LRRK1: variants seen among roughly 807,000 people sequenced by gnomAD.
LRRK1 encodes leucine-rich repeat serine/threonine-protein kinase 1.
Under a neutral mutation model 209.1 loss-of-function variants are expected in LRRK1, and 113 were observed. The ratio of observed to expected loss-of-function variants is 0.54; its 90% confidence interval spans 0.46 to 0.63. The LOEUF is 0.63. LRRK1 is among the 30% of genes least tolerant of loss of function. The probability of loss-of-function intolerance (pLI) is 0.00; values close to 1 mark genes in which losing one functional copy is unlikely to be tolerated. For synonymous variants in LRRK1, 1,144 were observed against 1,099.7 expected (o/e 1.04, Z -0.80); for missense variants, 2,284 against 2,632.2 (o/e 0.87, Z 2.89).
intron 3 of LRRK1, among the ~76,000 whole-genome samples, chr15:100,977,187 G>A (rs116115974): frequency 3.4e-4 from 49 of 142,696 alleles, no homozygotes; most frequent in Non-Finnish European, 3.6e-4. Context: ...CTGGCACAGA[G>A]AAAAAAAAAA....
chr15:101,035,850 G>A (rs944195294), intron 20 of LRRK1, among the ~76,000 whole-genome samples: 1 of 152,056 alleles, frequency 6.6e-6, no homozygotes, highest in Admixed American at 6.6e-5. Context: ...ACTTTTGTGT[G>A]TTTTCATGAT....
chr15:101,040,043 T>A (rs1322258764), intron 20 of LRRK1, among the ~76,000 whole-genome samples: 1 of 152,178 alleles, frequency 6.6e-6, no homozygotes, highest in African/African-American at 2.4e-5. Flanking sequence ...TGATGAAAAG[T>A]CTTTATGGGT....
Position 101,072,309 on chromosome 15 carries a change from G to C in LRRK1, c.*3461G>C, listed in dbSNP as rs1467007673. The C allele has an allele frequency of 6.6e-6, 1 of 152,136 alleles. No homozygotes were observed. The highest frequency in any genetic ancestry group is 2.4e-5 in the African/African-American group (1 of 41,390). 9.4% of individuals were successfully genotyped at this position (152,136 alleles called of 1,614,324 possible). ...TCACTATAGCATCTCTTAGAATATG[G>C]CCCCAAACAGGAAGCAACCCCAACC... is the stretch of plus-strand genomic sequence containing the variant. On this transcript the variant is annotated 3_prime_UTR_variant, in exon 34 of 34. Coordinates refer to ENST00000388948, the MANE Select transcript of LRRK1 (RefSeq NM_024652.6).
intron 12 of LRRK1, 45 bp from the exon 13 acceptor site, chr15:101,021,008 C>G (rs553863983): frequency 1.2e-6 from 2 of 1,611,226 alleles, no homozygotes; most frequent in East Asian, 2.2e-5. Flanking sequence ...CTGTGACGGT[C>G]CAGAATTATT....
chr15:100,962,181 G>A (rs192334759), intron 2 of LRRK1, among the ~76,000 whole-genome samples: 2 of 152,186 alleles, frequency 1.3e-5, no homozygotes, highest in East Asian at 3.9e-4. Flanking sequence ...AATTTCAGCA[G>A]CAATACAAGT....
chr15:101,010,396 T>C, intron 7 of LRRK1, 54 bp from the exon 8 acceptor site: 5 of 1,561,896 alleles, frequency 3.2e-6, no homozygotes, highest in Non-Finnish European at 4.3e-6. Flanking sequence ...AATATGTAAA[T>C]TTGGTGTTTT....
chr15:100,982,390 G>A (rs1355556801), intron 3 of LRRK1, among the ~76,000 whole-genome samples: 6 of 152,356 alleles, frequency 3.9e-5, no homozygotes, highest in African/African-American at 1.4e-4. Flanking sequence ...CAGAGAGCTC[G>A]TGATAAGTCA....
In LRRK1 at chr15:101,025,033, C is replaced by T. The variant is rs938587494; in HGVS notation, c.2232+66C>T. 6 of 1,507,084 alleles carry T rather than the reference C, an allele frequency of 4.0e-6. No individual in the cohort carries two copies. In the Middle Eastern group the frequency reaches 1.0e-3, roughly 251 times the overall value. 93.4% of individuals were successfully genotyped at this position (1,507,084 alleles called of 1,614,324 possible). ...GAGCTTTGCAGGTCCCACCGCTTCC[C>T]TCAAGCATCCCCTGTACTGAGAAAA... On this transcript the variant is annotated intron_variant, in intron 16 of 33. Transcript: ENST00000388948.
rs537293545 is a variant in LRRK1, at chr15:100,988,069, A to G, written c.434-565A>G. On this transcript the variant is annotated intron_variant, in intron 4 of 33. Coordinates refer to ENST00000388948, the MANE Select transcript of LRRK1 (RefSeq NM_024652.6). ...GAAATGTCATATGCAATTCAGAGAG[A>G]CTATTCCAGAAAACACTATCAACTC... is the stretch of plus-strand genomic sequence containing the variant. 3.9e-5 allele frequency among the ~76,000 whole-genome samples: 6 copies of G among 152,310 alleles called. No homozygotes were observed. The South Asian group carries it at 1.2e-3, about 32-fold the overall frequency.
chr15:101,051,326 G>GT (rs149690227), intron 23 of LRRK1, among the ~76,000 whole-genome samples: 111 of 152,320 alleles, frequency 7.3e-4, no homozygotes, highest in African/African-American at 2.6e-3. Context: ...GTTTCTAATT[G>GT]TAAGAAGGGT....
At chr15:101,057,662 C>T (rs1382756499) in intron 28 of LRRK1, among the ~76,000 whole-genome samples, 1 of 151,872 alleles carries the variant, frequency 6.6e-6, no homozygotes, top group African/African-American at 2.4e-5. Context: ...TATGGTGCGC[C>T]CTGATCGCAC....
Position 101,074,525 on chromosome 15 carries a change from G to GAC in LRRK1, c.*5678_*5679dup, listed in dbSNP as rs937596449. ...AACCCTGAGACACTTTACGGCCCTA[G>GAC]ACCCTAAAAGCCCAAAAGGCCGTCT... On this transcript the variant is annotated 3_prime_UTR_variant, in exon 34 of 34. Coordinates refer to ENST00000388948, the MANE Select transcript of LRRK1 (RefSeq NM_024652.6). 2 of 151,976 alleles carry GAC rather than the reference G, an allele frequency of 1.3e-5. No individual in the cohort carries two copies. The highest frequency in any genetic ancestry group is 4.8e-5 in the African/African-American group (2 of 41,328). The allele number at this position is 151,976 out of a possible 1,614,324, so 9.4% of individuals were successfully genotyped here. A position where few individuals can be genotyped will look rare whatever the true frequency, so the allele number is the denominator to read the frequency against.
intron 4 of LRRK1, chr15:100,983,955 T>C (rs887723671): frequency 2.0e-5 from 11 of 556,798 alleles, no homozygotes; most frequent in African/African-American, 3.8e-5. Flanking sequence ...AAAAAATAAT[T>C]AATAGACCTT....
intron 11 of LRRK1, among the ~76,000 whole-genome samples, chr15:101,014,784 T>TA (rs1425484787): frequency 6.6e-6 from 1 of 152,240 alleles, no homozygotes; most frequent in East Asian, 1.9e-4. Flanking sequence ...TTAACTTAGT[T>TA]ACCTCCTTAA....
chr15:101,017,179 T>C (rs765640633), intron 12 of LRRK1, among the ~76,000 whole-genome samples: 87 of 152,148 alleles, frequency 5.7e-4, no homozygotes, highest in Non-Finnish European at 1.2e-3. Context: ...GTTTGATAGA[T>C]GGTTGTTGGC....
chr15:101,019,022 T>A (rs1281289895), intron 12 of LRRK1, among the ~76,000 whole-genome samples: 2 of 152,206 alleles, frequency 1.3e-5, no homozygotes, highest in African/African-American at 4.8e-5. Flanking sequence ...GGATGGCCGT[T>A]TTTACGGTAA....
chr15:101,066,206 G>T lies in LRRK1; in HGVS notation c.5768+1G>T. The T allele has an allele frequency of 6.2e-7, 1 of 1,601,406 alleles. No individual in the cohort carries two copies. On this transcript the variant is annotated splice_donor_variant, in intron 32 of 33. Coordinates refer to ENST00000388948, the MANE Select transcript of LRRK1 (RefSeq NM_024652.6). LOFTEE classifies it high-confidence loss of function. Reference sequence around the variant, plus strand: ...TCAGAGACCTCATTTGGGTCCCCAGGTACGTTTCCCGAGGTGAGGGCACCA... The same window carrying T: ...TCAGAGACCTCATTTGGGTCCCCAGTTACGTTTCCCGAGGTGAGGGCACCA...
intron 3 of LRRK1, among the ~76,000 whole-genome samples, chr15:100,978,665 C>G (rs1329642432): frequency 6.6e-6 from 1 of 152,092 alleles, no homozygotes; most frequent in Non-Finnish European, 1.5e-5. Flanking sequence ...ATGAAAGGGA[C>G]AAATCCTTGA....
At chr15:100,952,745 A>G (rs2042679634) in intron 2 of LRRK1, among the ~76,000 whole-genome samples, 1 of 152,242 alleles carries the variant, frequency 6.6e-6, no homozygotes, top group African/African-American at 2.4e-5. Flanking sequence ...GTTTTATCAC[A>G]GTAATCATTC....
Sources: gnomAD v4.1 joint callset for allele counts (sites outside exome capture counted in the v4.1 genomes callset) on GRCh38, gnomAD v4.1.1 for gene constraint, MANE v1.5 for transcripts, NCBI Gene and HGNC (gene_info 2026-07-23, HGNC 2026-07-21) for gene names.